Variants in MYOM1 observed in about 807,000 individuals in gnomAD.
MYOM1 encodes myomesin-1.
Under a neutral mutation model 205.3 loss-of-function variants are expected in MYOM1, and 164 were observed. The ratio of observed to expected loss-of-function variants is 0.80; its 90% CI spans 0.70 to 0.91. The LOEUF is 0.91. MYOM1 is among the 40% of genes least tolerant of loss of function. MYOM1 has a pLI of 0.00. For synonymous variants in MYOM1, 772 were observed against 789.4 expected (o/e 0.98, Z 0.37); for missense variants, 2,011 against 2,127.3 (o/e 0.95, Z 1.08).
chr18:3,134,954 G>GGTT, intron 15 of MYOM1, 130 bp from the exon 16 acceptor site: 1 of 772,058 alleles, frequency 1.3e-6, no homozygotes, highest in East Asian at 3.7e-5. Context: ...TTTATTTTAC[G>GGTT]ATTTTTTTTT....
At chr18:3,153,076 C>T (rs1221696015) in intron 11 of MYOM1, among the ~76,000 whole-genome samples, 2 of 152,182 alleles carry the variant, frequency 1.3e-5, no homozygotes, top group Non-Finnish European at 2.9e-5. Context: ...CAATCTACAC[C>T]TGTCTCCAGA....
At chr18:3,180,925 C>CTTT (rs540315378) in intron 5 of MYOM1, among the ~76,000 whole-genome samples, 6 of 142,592 alleles carry the variant, frequency 4.2e-5, no homozygotes, top group African/African-American at 1.3e-4. Flanking sequence ...CCGAGATGAT[C>CTTT]TTTTTTTTTT....
the MYOM1 span, among the ~76,000 whole-genome samples, chr18:3,231,847 C>CTTTTT: frequency 1.6e-5 from 2 of 123,800 alleles, no homozygotes; most frequent in Non-Finnish European, 3.3e-5. Context: ...CAGCCGCATC[C>CTTTTT]TTTTTTTTTT....
the MYOM1 span, among the ~76,000 whole-genome samples, chr18:3,225,468 A>T: frequency 6.6e-6 from 1 of 152,192 alleles, no homozygotes; most frequent in African/African-American, 2.4e-5. Flanking sequence ...ATTGAATAGA[A>T]GCTGATAAAC....
At chr18:3,211,378 C>T (rs960009485) in intron 2 of MYOM1, among the ~76,000 whole-genome samples, 1 of 152,130 alleles carries the variant, frequency 6.6e-6, no homozygotes, top group South Asian at 2.1e-4. Flanking sequence ...TGTTGAGTCA[C>T]GGAGCTCCTT....
intron 27 of MYOM1, 139 bp downstream of exon 27, chr18:3,090,519 T>C: frequency 8.4e-7 from 1 of 1,185,384 alleles, no homozygotes; most frequent in East Asian, 2.4e-5. Flanking sequence ...CGCGCCCAGC[T>C]GAAAATTGTA....
chr18:3,143,351 T>C (rs2143949327), intron 13 of MYOM1, among the ~76,000 whole-genome samples: 1 of 152,256 alleles, frequency 6.6e-6, no homozygotes, highest in East Asian at 1.9e-4. Flanking sequence ...ATACCTGCAC[T>C]ACGAGAAATG....
chr18:3,201,687 AC>A (rs1259651098), intron 2 of MYOM1, among the ~76,000 whole-genome samples: 2 of 149,654 alleles, frequency 1.3e-5, no homozygotes, highest in Non-Finnish European at 3.0e-5. Context: ...TTGCTCTGTC[AC>A]CCAGGCTGGA....
At chr18:3,244,109 G>T in the MYOM1 span, among the ~76,000 whole-genome samples, 3 of 152,138 alleles carry the variant, frequency 2.0e-5, no homozygotes, top group East Asian at 5.8e-4. Context: ...GCCGTCCTGT[G>T]CATAGTAGGA....
intron 19 of MYOM1, among the ~76,000 whole-genome samples, chr18:3,120,642 C>T (rs1026280057): frequency 6.6e-5 from 10 of 152,158 alleles, no homozygotes; most frequent in Non-Finnish European, 1.3e-4. Flanking sequence ...CGTGATACAA[C>T]AAATGTGCAT....
rs574603034 is a variant in MYOM1, at chr18:3,192,858, G to A, written c.431+960C>T. ...AGTAAATAGCAATCTATTTCCCATT[G>A]AACAAGGCATTCAAATTATGATGAG... On this transcript the variant is annotated intron_variant, in intron 3 of 37. Coordinates refer to ENST00000356443, the MANE Select transcript of MYOM1 (RefSeq NM_003803.4). Among the ~76,000 whole-genome samples the A allele has an allele frequency of 7.2e-5, 11 of 151,726 alleles. No individual in the cohort carries two copies. In the East Asian group the frequency reaches 1.5e-3, roughly 21 times the overall value.
Position 3,134,663 on chromosome 18 carries a change from C to A in MYOM1, c.2371G>T (p.Val791Leu), listed in dbSNP as rs774778918. 2 of 1,612,698 alleles carry A rather than the reference C, an allele frequency of 1.2e-6. No individual in the cohort carries two copies. The highest frequency in any genetic ancestry group is 3.3e-5 in the Admixed American group (2 of 59,982). Residue 791 changes from valine (V) to leucine (L), a missense_variant, in exon 16 of 38, where the codon GTG becomes TTG. Transcript: ENST00000356443. ...CGACTGAGTTACCGTGAGCCCTTCA[C>A]GGGGTTGTTGTTACAGGGCTCCCAC... The part of the protein sequence containing the change: ...GKWEPCNNNP[V>L]KGSRFTCHGL...
chr18:3,163,539 G>A (rs1055699358), intron 10 of MYOM1, among the ~76,000 whole-genome samples: 4 of 151,460 alleles, frequency 2.6e-5, no homozygotes, highest in African/African-American at 9.7e-5. Flanking sequence ...TTGAACTTCT[G>A]CCTGCCAGGC....
chr18:3,155,212 A>C, intron 10 of MYOM1, 124 bp from the exon 11 acceptor site: 1 of 1,001,634 alleles, frequency 1.0e-6, no homozygotes, highest in Non-Finnish European at 1.4e-6. Flanking sequence ...CCAACGCAGC[A>C]AGCATCAAAT....
At chr18:3,236,747 G>A in the MYOM1 span, among the ~76,000 whole-genome samples, 40 of 152,246 alleles carry the variant, frequency 2.6e-4, no homozygotes, top group South Asian at 3.7e-3. Flanking sequence ...CTTGGTGATC[G>A]GTGTATAAGT....
rs530901424 is a variant in MYOM1, at chr18:3,182,095, C to CA, written c.929+5384dup. Among the ~76,000 whole-genome samples, 670 of 152,118 alleles carry CA rather than the reference C, an allele frequency of 4.4e-3. 2 individuals carry two copies. The highest frequency in any genetic ancestry group is 6.2e-3 in the Non-Finnish European group (420 of 68,016). ...TTGCTTGAGGATCTAGTCCAGTGTC[C>CA]AACATATAGATATGAAAACATGAGT... is the stretch of plus-strand genomic sequence containing the variant. On this transcript the variant is annotated intron_variant, in intron 5 of 37. Transcript: ENST00000356443.
chr18:3,125,932 A>G (rs1296273373), intron 19 of MYOM1, among the ~76,000 whole-genome samples: 1 of 152,134 alleles, frequency 6.6e-6, no homozygotes, highest in African/African-American at 2.4e-5. Context: ...GAGTCTAGCC[A>G]TCAAGCCCAT....
intron 2 of MYOM1, among the ~76,000 whole-genome samples, chr18:3,195,297 T>C (rs759475647): frequency 6.6e-6 from 1 of 152,256 alleles, no homozygotes; most frequent in African/African-American, 2.4e-5. Context: ...AATATCCATC[T>C]CTTTTTCTAT....
At chr18:3,230,541 T>C in the MYOM1 span, among the ~76,000 whole-genome samples, 2 of 152,252 alleles carry the variant, frequency 1.3e-5, no homozygotes, top group Non-Finnish European at 2.9e-5. Context: ...GTAACTTCAC[T>C]TCAGCCTCTG....
Sources: gnomAD v4.1 joint callset for allele counts (sites outside exome capture counted in the v4.1 genomes callset) on GRCh38, gnomAD v4.1.1 for gene constraint, MANE v1.5 for transcripts, NCBI Gene and HGNC (gene_info 2026-07-23, HGNC 2026-07-21) for gene names.